COL19A1: variants seen among roughly 807,000 people sequenced by gnomAD.
The protein encoded by COL19A1 is collagen alpha-1(XIX) chain.
Under a neutral mutation model 190.2 loss-of-function variants are expected in COL19A1, and 159 were observed. That is an observed-to-expected ratio of 0.84 (90% CI 0.73 to 0.95). The LOEUF (loss-of-function observed/expected upper bound fraction) is 0.95, where lower values mean the gene tolerates loss of function less well. Among genes scored for constraint, COL19A1 ranks in the 40% least tolerant of loss-of-function variants. COL19A1 has a pLI of 0.00. For missense variants in COL19A1, 1,418 were observed against 1,431.9 expected (o/e 0.99, Z 0.16); for synonymous variants, 509 against 458.9 (o/e 1.11, Z -1.39).
At position 70,146,643 on chromosome 6, in the gene COL19A1, AC is replaced by A. The variant is rs111458720; in HGVS notation, c.1771-15del. ...TTTCTAGAAGAAGATATGTATTCAT[AC>A]TTTTTTTCTTTTAGGGATTAGATGG... On this transcript the variant is annotated splice_polypyrimidine_tract_variant and intron_variant, in intron 25 of 50. Transcript: ENST00000620364. 1.0e-5 allele frequency: 16 copies of A among 1,592,454 alleles called. No homozygotes were observed. The highest frequency in any genetic ancestry group is 3.4e-5 in the South Asian group (3 of 87,904).
At chr6:70,030,381 C>T (rs1367621413) in intron 12 of COL19A1, among the ~76,000 whole-genome samples, 1 of 152,050 alleles carries the variant, frequency 6.6e-6, no homozygotes, top group Non-Finnish European at 1.5e-5. Flanking sequence ...ATGAGGACCC[C>T]AGTGTACCCA....
At chr6:70,178,343 T>A (rs1438497005) in intron 42 of COL19A1, among the ~76,000 whole-genome samples, 2 of 151,938 alleles carry the variant, frequency 1.3e-5, no homozygotes, top group African/African-American at 4.8e-5. Flanking sequence ...GTCACTGCAC[T>A]CCAAACTGGG....
intron 37 of COL19A1, 72 bp downstream of exon 37, chr6:70,166,057 T>C: frequency 5.7e-6 from 7 of 1,220,966 alleles, no homozygotes; most frequent in Non-Finnish European, 8.5e-6. Context: ...GAGGTAAGAC[T>C]ACATTTAGAT....
chr6:70,051,970 C>T (rs1455009024), intron 14 of COL19A1, among the ~76,000 whole-genome samples: 1 of 151,934 alleles, frequency 6.6e-6, no homozygotes, highest in Admixed American at 6.6e-5. Flanking sequence ...CTCAAACAGC[C>T]GAATAGATCC....
At chr6:70,119,805 T>C (rs1784778935) in intron 16 of COL19A1, among the ~76,000 whole-genome samples, 1 of 152,214 alleles carries the variant, frequency 6.6e-6, no homozygotes, top group African/African-American at 2.4e-5. Context: ...AAATGTTTGC[T>C]ATTGGCCGGG....
chr6:70,115,197 C>A (rs977748311), intron 16 of COL19A1, among the ~76,000 whole-genome samples: 1 of 152,192 alleles, frequency 6.6e-6, no homozygotes, highest in Non-Finnish European at 1.5e-5. Context: ...CTTCTCCTTT[C>A]CTGTCCTACC....
intron 49 of COL19A1, 171 bp downstream of exon 49, chr6:70,199,907 T>G (rs184218240): frequency 7.4e-5 from 47 of 639,366 alleles, no homozygotes; most frequent in Non-Finnish European, 1.1e-4. Context: ...TTATAATATT[T>G]GACATTCTAG....
chr6:69,966,612 C>A (rs913058677), intron 11 of COL19A1, among the ~76,000 whole-genome samples: 1 of 151,996 alleles, frequency 6.6e-6, no homozygotes, highest in African/African-American at 2.4e-5. Flanking sequence ...ATCTCAAGTA[C>A]CCAGGGACAC....
chr6:70,004,700 A>G (rs1390335946), intron 11 of COL19A1, among the ~76,000 whole-genome samples: 2 of 152,236 alleles, frequency 1.3e-5, no homozygotes, highest in Admixed American at 6.5e-5. Context: ...TACTATTGCT[A>G]TGCTTTTCAG....
chr6:70,147,324 G>C (rs1407690375), intron 27 of COL19A1, among the ~76,000 whole-genome samples: 2 of 152,146 alleles, frequency 1.3e-5, no homozygotes, highest in Non-Finnish European at 2.9e-5. Context: ...AACGTCTTCA[G>C]AGTGAAGAGA....
At chr6:70,121,813 T>C (rs900152316) in intron 16 of COL19A1, 67 bp from the exon 17 acceptor site, 2 of 994,448 alleles carry the variant, frequency 2.0e-6, no homozygotes, top group Non-Finnish European at 3.1e-6. Flanking sequence ...TTCTTAGATA[T>C]GTTATTTAAA....
chr6:70,161,954 G>A lies in COL19A1; in HGVS notation c.2346+1G>A, dbSNP rs775521723. 1.3e-6 allele frequency: 2 copies of A among 1,596,534 alleles called. No individual in the cohort carries two copies. The highest frequency in any genetic ancestry group is 1.4e-5 in the African/African-American group (1 of 74,030). ...TGCTCCAGGCCCGACTGGACCCCCT[G>A]TAAGTATTTGTTAAAACGATTGCAC... On this transcript the variant is annotated splice_donor_variant, in intron 35 of 50. Coordinates refer to ENST00000620364, the MANE Select transcript of COL19A1 (RefSeq NM_001858.6). LOFTEE classifies it high-confidence loss of function.
intron 9 of COL19A1, among the ~76,000 whole-genome samples, chr6:69,959,166 G>A (rs1028219772): frequency 1.3e-5 from 2 of 152,182 alleles, no homozygotes; most frequent in African/African-American, 4.8e-5. Flanking sequence ...TTGTCAAAGA[G>A]ATGACCCCAG....
At position 69,932,848 on chromosome 6, in the gene COL19A1, A is replaced by G; in HGVS notation, c.732A>G (p.Glu244=). The change falls in exon 7 of 51, where the codon GAA becomes GAG. Residue 244 remains glutamate, a synonymous_variant. Coordinates refer to ENST00000620364, the MANE Select transcript of COL19A1 (RefSeq NM_001858.6). ...ANLIAQETCC[E]ISDTKCPEQD... is the part of the protein sequence containing the mutation. ...TCATAGCTCAAGAAACATGTTGTGA[A>G]ATATCAGATACTAAGGTAAGTTAAT... The G allele has an allele frequency of 6.2e-7, 1 of 1,603,254 alleles. No individual in the cohort carries two copies. Among genetic ancestry groups the G allele is most frequent in the South Asian group, 1.1e-5 (1 of 90,050 alleles).
At chr6:70,005,689 G>A (rs1380512887) in intron 11 of COL19A1, among the ~76,000 whole-genome samples, 1 of 152,124 alleles carries the variant, frequency 6.6e-6, no homozygotes, top group Non-Finnish European at 1.5e-5. Context: ...CTTGGTGGAG[G>A]GGGTGTGCTT....
chr6:70,019,884 G>A (rs1778322732), intron 11 of COL19A1, among the ~76,000 whole-genome samples: 1 of 151,750 alleles, frequency 6.6e-6, no homozygotes, highest in Admixed American at 6.6e-5. Context: ...TCTTCTCAGT[G>A]GAGAAAAAAG....
intron 9 of COL19A1, among the ~76,000 whole-genome samples, chr6:69,947,994 AG>A (rs1773920050): frequency 6.6e-6 from 1 of 151,836 alleles, no homozygotes; most frequent in African/African-American, 2.4e-5. Flanking sequence ...CATAAATAAA[AG>A]CTTCTTTAAA....
chr6:70,101,548 C>G (rs564614827), intron 15 of COL19A1, among the ~76,000 whole-genome samples: 1 of 152,138 alleles, frequency 6.6e-6, no homozygotes, highest in Non-Finnish European at 1.5e-5. Flanking sequence ...GCTTAACCAT[C>G]TAAAGGGAAG....
At chr6:69,932,920 C>A in intron 7 of COL19A1, 57 bp downstream of exon 7, 2 of 1,207,406 alleles carry the variant, frequency 1.7e-6, no homozygotes, top group Non-Finnish European at 1.2e-6. Flanking sequence ...CTTTTAGTGG[C>A]ATAGTTTGTA....
Sources: allele counts gnomAD v4.1 joint callset (sites outside exome capture counted in the v4.1 genomes callset), GRCh38; gene constraint gnomAD v4.1.1; transcripts MANE v1.5; gene names NCBI Gene and HGNC (gene_info 2026-07-23, HGNC 2026-07-21).